The following NR4A1 variants were observed in gnomAD, a reference collection of about 807,000 sequenced individuals.
NR4A1 encodes the protein nuclear receptor subfamily 4immunitygroup A member 1.
NR4A1 carries 24 observed loss-of-function variants against 47.5 expected under a neutral mutation model. The observed-to-expected ratio is 0.50, with a 90% CI of 0.37 to 0.71. NR4A1 has a LOEUF of 0.71. Among genes scored for constraint, NR4A1 ranks in the 30% least tolerant of loss-of-function variants. The probability of loss-of-function intolerance (pLI) is 0.00; values close to 1 mark genes in which losing one functional copy is unlikely to be tolerated. For synonymous variants in NR4A1, 353 were observed against 345.7 expected (o/e 1.02, Z -0.24); for missense variants, 669 against 788.6 (o/e 0.85, Z 1.82).
At chr12:52,052,980 A>G (rs547512363) in intron 1 of NR4A1, among the ~76,000 whole-genome samples, 20 of 152,120 alleles carry the variant, frequency 1.3e-4, no homozygotes, top group Non-Finnish European at 2.2e-4. Flanking sequence ...GGGCCTGTGG[A>G]GTTAGAAGGA....
In NR4A1 at chr12:52,033,778, G is replaced by C. The variant is rs180993911; in HGVS notation, c.-83-8032G>C. Reference sequence around the variant, plus strand: ...GCTCTTAAGCCTGGGGAGAGGTCGGGGGACCCCGGCCAGGTAGTTCTTGAT... The same window carrying C: ...GCTCTTAAGCCTGGGGAGAGGTCGGCGGACCCCGGCCAGGTAGTTCTTGAT... On this transcript the variant is annotated intron_variant, in intron 1 of 7. Coordinates refer to the NR4A1 transcript ENST00000360284. Among the ~76,000 whole-genome samples the C allele has an allele frequency of 2.7e-3, 417 of 152,326 alleles. 1 individual carries two copies. The highest frequency in any genetic ancestry group is 3.2e-3 in the Non-Finnish European group (216 of 68,012).
chr12:52,037,844 G>T, intron 1 of NR4A1: 1 of 985,426 alleles, frequency 1.0e-6, no homozygotes, highest in Non-Finnish European at 1.2e-6. Flanking sequence ...CAAGGCTGGG[G>T]GTCTCGTGGA....
intron 1 of NR4A1, among the ~76,000 whole-genome samples, chr12:52,028,984 C>G (rs1193885552): frequency 1.3e-5 from 2 of 152,332 alleles, no homozygotes; most frequent in African/African-American, 4.8e-5. Flanking sequence ...GTGAAATTAT[C>G]TCTCTAGTAT....
intron 1 of NR4A1, among the ~76,000 whole-genome samples, chr12:52,040,086 T>C (rs1938378300): frequency 6.6e-6 from 1 of 152,178 alleles, no homozygotes; most frequent in Non-Finnish European, 1.5e-5. Flanking sequence ...AGACTGTACT[T>C]GACCTTGGTT....
Position 52,051,470 on chromosome 12 carries a change from G to A in NR4A1, c.-101G>A, listed in dbSNP as rs1267828506. 1.0e-6 allele frequency: 1 copy of A among 985,568 alleles called. No individual in the cohort carries two copies. The highest frequency in any genetic ancestry group is 1.7e-5 in the African/African-American group (1 of 57,370). 61.1% of individuals were successfully genotyped at this position (985,568 alleles called of 1,614,324 possible). On this transcript the variant is annotated 5_prime_UTR_variant, in exon 1 of 7. Transcript: ENST00000394825. The stretch of plus-strand genomic sequence containing the variant: ...CCCAGTGGCGGAGGCTACGAAACTT[G>A]GGGGAGTGCACAGAAGAACTTCGGG...
intron 1 of NR4A1, among the ~76,000 whole-genome samples, chr12:52,036,970 G>A (rs991731777): frequency 1.3e-5 from 2 of 152,240 alleles, no homozygotes; most frequent in Non-Finnish European, 2.9e-5. Context: ...TCTGGCCGCG[G>A]GTTATGTAAC....
chr12:52,057,905 A>T (rs1460961929), intron 6 of NR4A1, among the ~76,000 whole-genome samples: 4 of 152,244 alleles, frequency 2.6e-5, no homozygotes, highest in Non-Finnish European at 4.4e-5. Context: ...TTGGTCAAGA[A>T]AGAGCACATA....
chr12:52,059,093 G>A lies in NR4A1; in HGVS notation c.*149G>A. 1 of 1,048,090 alleles carries A rather than the reference G, an allele frequency of 9.5e-7. No homozygotes were observed. Among genetic ancestry groups the A allele is most frequent in the Non-Finnish European group, 1.3e-6 (1 of 745,322 alleles). The allele number at this position is 1,048,090 out of a possible 1,614,324, so 64.9% of individuals were successfully genotyped here. On this transcript the variant is annotated 3_prime_UTR_variant, in exon 7 of 7. Transcript: ENST00000394825. ...ACCTGCTCCAGGAGGTTTGCAGGGA[G>A]CTCAAGCCCTTGGGGAGGGGGATGC...
chr12:52,057,925 C>G (rs1939361360), intron 6 of NR4A1, among the ~76,000 whole-genome samples: 1 of 152,190 alleles, frequency 6.6e-6, no homozygotes, highest in South Asian at 2.1e-4. Flanking sequence ...AACTGCCCCC[C>G]AGAACCCATT....
intron 1 of NR4A1, among the ~76,000 whole-genome samples, chr12:52,029,542 G>A (rs1237235694): frequency 6.6e-6 from 1 of 152,118 alleles, no homozygotes; most frequent in Non-Finnish European, 1.5e-5. Context: ...ACAAAAATTA[G>A]CCAGGCATGG....
chr12:52,041,219 TGTTA>T (rs1462503699), intron 1 of NR4A1, among the ~76,000 whole-genome samples: 2 of 152,170 alleles, frequency 1.3e-5, no homozygotes, highest in Non-Finnish European at 2.9e-5. Flanking sequence ...AGCCTGTGAT[TGTTA>T]ATTTTACAGA....
intron 1 of NR4A1, among the ~76,000 whole-genome samples, chr12:52,024,746 AAAG>A (rs780990140): frequency 3.3e-5 from 5 of 152,168 alleles, no homozygotes; most frequent in African/African-American, 7.2e-5. Context: ...AAAAAACCAA[AAAG>A]AAAAGAAACA....
At chr12:52,037,395 C>T in intron 1 of NR4A1, 1 of 985,654 alleles carries the variant, frequency 1.0e-6, no homozygotes, top group Non-Finnish European at 1.2e-6. Flanking sequence ...GGCTGGTGCG[C>T]GACCCCGGAA....
At chr12:52,048,355 G>C (rs1029241793), upstream of NR4A1, among the ~76,000 whole-genome samples, 9 of 151,950 alleles carry the variant, frequency 5.9e-5, no homozygotes, top group East Asian at 1.8e-3. Flanking sequence ...AGCACTTTGG[G>C]AGGCCAAGGC....
At chr12:52,055,367 G>T (rs1245632885) in intron 2 of NR4A1, 163 bp downstream of exon 2, 2 of 831,394 alleles carry the variant, frequency 2.4e-6, no homozygotes, top group Non-Finnish European at 1.9e-6. Context: ...GAGACCCGTA[G>T]ATGCCAGGGC....
At chr12:52,051,658 GC>G (rs1011530289) in intron 1 of NR4A1, 90 bp downstream of exon 1, 2 of 878,638 alleles carry the variant, frequency 2.3e-6, no homozygotes, top group Admixed American at 6.2e-5. Flanking sequence ...ATGTTGTAGG[GC>G]CGGCATGCAA....
chr12:52,037,224 G>C (rs1050965805), intron 1 of NR4A1: 1 of 305,634 alleles, frequency 3.3e-6, no homozygotes, highest in Non-Finnish European at 4.7e-6. Flanking sequence ...GCGGGCGGGG[G>C]GCTTCCCGGG....
chr12:52,036,558 T>C lies in NR4A1; in HGVS notation c.-83-5252T>C, dbSNP rs1402705429. On this transcript the variant is annotated intron_variant, in intron 1 of 7. Transcript: ENST00000360284. ...GTGACTGTCCTAAGTCACACAGTGG[T>C]ATGGGAGCAGCCAGATCAGTGAATC... Among the ~76,000 whole-genome samples, 10 of 152,168 alleles carry C rather than the reference T, an allele frequency of 6.6e-5. No individual in the cohort carries two copies. The East Asian group carries it at 1.7e-3, about 26-fold the overall frequency.
intron 2 of NR4A1, among the ~76,000 whole-genome samples, chr12:52,044,826 G>C (rs934265011): frequency 6.6e-6 from 1 of 152,186 alleles, no homozygotes; most frequent in Non-Finnish European, 1.5e-5. Flanking sequence ...AAGAGACTGA[G>C]AGGGAAACTG....
Sources: gnomAD v4.1 joint callset for allele counts (sites outside exome capture counted in the v4.1 genomes callset) on GRCh38, gnomAD v4.1.1 for gene constraint, MANE v1.5 for transcripts, NCBI Gene and HGNC (gene_info 2026-07-23, HGNC 2026-07-21) for gene names.